Variants in NID2 observed in about 807,000 individuals in gnomAD.
NID2 encodes the protein nidogen 2, also known as nidogen-2.
Under a neutral mutation model 145.4 loss-of-function variants are expected in NID2, and 83 were observed. That is an observed-to-expected ratio of 0.57 (90% CI 0.48 to 0.69). The LOEUF (loss-of-function observed/expected upper bound fraction) is 0.69, where lower values mean the gene tolerates loss of function less well. Ranked by LOEUF, NID2 falls within the 30% of genes least tolerant of loss-of-function variation. NID2 has a pLI of 0.00. For missense variants in NID2, 1,807 were observed against 1,765.7 expected, an observed-to-expected ratio of 1.02 and a Z score of -0.42; for synonymous variants, 739 against 701.3, an observed-to-expected ratio of 1.05 and a Z score of -0.85.
Position 52,066,321 on chromosome 14 carries a change from C to CAAAAA in NID2, c.534+1532_534+1536dup, listed in dbSNP as rs34875276. Among the ~76,000 whole-genome samples the CAAAAA allele has an allele frequency of 9.0e-3, 1,201 of 133,800 alleles. 24 individuals are homozygous for CAAAAA. Among genetic ancestry groups the CAAAAA allele is most frequent in the African/African-American group, 0.031 (1,139 of 36,488 alleles). The allele number at this position is 133,800 out of a possible 152,430, so 87.8% of individuals were successfully genotyped here. On this transcript the variant is annotated intron_variant, in intron 2 of 21. Transcript: ENST00000216286. ...GAAGGTGGACACAGTTAACGGGTAC[C>CAAAAA]AAAAAAAAAAAAATAGAAGGAATGA... is the stretch of plus-strand genomic sequence containing the variant.
intron 8 of NID2, 107 bp downstream of exon 8, chr14:52,040,544 C>T (rs1340565311): frequency 5.4e-6 from 5 of 917,672 alleles, no homozygotes; most frequent in Non-Finnish European, 5.4e-6. Context: ...TTTTATGTTC[C>T]ATGCACTGTT....
At chr14:52,052,419 G>A (rs72680322) in intron 5 of NID2, among the ~76,000 whole-genome samples, 2,303 of 152,308 alleles carry the variant, frequency 0.015, 30 homozygotes, top group Non-Finnish European at 0.023. Context: ...CACATACGCT[G>A]TCTCATTGAA....
chr14:52,057,703 CAAAAAAAAAAA>C (rs5808649), intron 3 of NID2, among the ~76,000 whole-genome samples: 1 of 89,616 alleles, frequency 1.1e-5, no homozygotes, highest in African/African-American at 4.4e-5. Context: ...ACCTCCGTCT[CAAAAAAAAAAA>C]AAAAAAAAAA....
At chr14:52,038,430 G>C (rs909511138) in intron 9 of NID2, among the ~76,000 whole-genome samples, 4 of 152,170 alleles carry the variant, frequency 2.6e-5, no homozygotes, top group African/African-American at 9.7e-5. Context: ...ATACTTGTCA[G>C]CATCACTCTC....
chr14:52,027,046 T>TAACTC (rs1953602903), intron 12 of NID2, among the ~76,000 whole-genome samples, 155 bp downstream of exon 12: 1 of 152,246 alleles, frequency 6.6e-6, no homozygotes, highest in Admixed American at 6.5e-5. Context: ...CTCCCCTTTC[T>TAACTC]AACTCAAAGG....
At position 52,053,466 on chromosome 14, in the gene NID2, ATCT is replaced by A. The variant is rs1360382490; in HGVS notation, c.1429+110_1429+112del. On this transcript the variant is annotated intron_variant, in intron 5 of 21. Coordinates refer to ENST00000216286, the MANE Select transcript of NID2 (RefSeq NM_007361.4). ...ACACAGGGATTAAAAATTAGATCCA[ATCT>A]TCTTTTTGCTAAACTTTTCACCTAC... is the stretch of plus-strand genomic sequence containing the variant. 22 of 1,175,128 alleles carry A rather than the reference ATCT, an allele frequency of 1.9e-5. No homozygotes were observed. The African/African-American group carries it at 2.9e-4, about 16-fold the overall frequency. 72.8% of individuals were successfully genotyped at this position (1,175,128 alleles called of 1,614,324 possible).
At chr14:52,027,472 G>C (rs1170090834) in intron 11 of NID2, 128 bp from the exon 12 acceptor site, 1 of 701,770 alleles carries the variant, frequency 1.4e-6, no homozygotes, top group African/African-American at 1.9e-5. Context: ...CCCTACCCAA[G>C]GTCCAGTGAT....
chr14:52,047,060 A>G (rs1892526849), intron 5 of NID2, among the ~76,000 whole-genome samples: 1 of 152,242 alleles, frequency 6.6e-6, no homozygotes, highest in African/African-American at 2.4e-5. Flanking sequence ...CACTAATTCA[A>G]CAAGTATTTA....
rs767357376 is a variant in NID2 at position 52,067,980 on chromosome 14, G to T, written c.412C>A (p.Arg138Ser). The change falls in exon 2 of 22, where the codon CGC (arginine) becomes AGC (serine). Residue 138 changes from arginine (R) to serine (S), a missense_variant. Arg to Ser is a moderately radical substitution (Grantham distance 110). Transcript: ENST00000216286. ...TSPAVLGLAA[R>S]YVRAGFPRSA... ...CGCGGGAAGCCAGCGCGCACATAGC[G>T]GGCGGCCAGGCCCAGCACTGCGGGG... The T allele has an allele frequency of 6.2e-7, 1 of 1,611,152 alleles. No homozygotes were observed. The highest frequency in any genetic ancestry group is 1.7e-5 in the Admixed American group (1 of 59,310).
intron 2 of NID2, among the ~76,000 whole-genome samples, chr14:52,067,518 A>G (rs1893260831): frequency 6.6e-6 from 1 of 152,236 alleles, no homozygotes; most frequent in Admixed American, 6.5e-5. Flanking sequence ...CAATGAACAT[A>G]TAATTAGAAA....
rs773414486 is a variant in NID2 at position 52,038,768 on chromosome 14, T to C, written c.2236A>G (p.Asn746Asp). The C allele has an allele frequency of 1.3e-6, 2 of 1,579,868 alleles. No homozygotes were observed. Among genetic ancestry groups the C allele is most frequent in the Non-Finnish European group, 1.7e-6 (2 of 1,163,686 alleles). The change falls in exon 9 of 22, where the codon AAT becomes GAT. Residue 746 changes from asparagine to aspartate, a missense_variant. Coordinates refer to ENST00000216286, the MANE Select transcript of NID2 (RefSeq NM_007361.4). ...EERVLRFAVT[N>D]QIGPVKEDSD... ...TTACCTTTGACCGGGCCAATTTGAT[T>C]GGTCACAGCAAATCTAAGCACTCTT...
chr14:52,027,655 C>CAT (rs1188647693), intron 11 of NID2, among the ~76,000 whole-genome samples: 4 of 151,520 alleles, frequency 2.6e-5, no homozygotes, highest in Admixed American at 6.6e-5. Flanking sequence ...CACACACACA[C>CAT]ACACACACAC....
In NID2 at chr14:52,068,159, C is replaced by T; in HGVS notation, c.233G>A (p.Gly78Asp). 6.2e-7 allele frequency: 1 copy of T among 1,612,744 alleles called. No individual in the cohort carries two copies. Among genetic ancestry groups the T allele is most frequent in the Non-Finnish European group, 8.5e-7 (1 of 1,179,700 alleles). ...YEARFSNLYV[G>D]TNGIISTQDF... Reference sequence around the variant, plus strand: ...CTGAGTGGAGATGATGCCGTTGGTGCCCACCTGGGAGAGGAGAGGGACAAA... The same window carrying T: ...CTGAGTGGAGATGATGCCGTTGGTGTCCACCTGGGAGAGGAGAGGGACAAA... Residue 78 changes from glycine (G) to aspartate (D), a missense_variant, in exon 2 of 22, where the codon GGC becomes GAC. By Grantham distance (94) the Gly-to-Asp change is moderately conservative (BLOSUM62 -1). Coordinates refer to ENST00000216286, the MANE Select transcript of NID2 (RefSeq NM_007361.4).
At chr14:52,057,105 G>T (rs150929240) in intron 3 of NID2, among the ~76,000 whole-genome samples, 252 of 152,238 alleles carry the variant, frequency 1.7e-3, no homozygotes, top group African/African-American at 5.8e-3. Flanking sequence ...TGGTGTGATT[G>T]ATCATGGCTC....
rs369076689 is a variant in NID2 at position 52,067,976 on chromosome 14, T to C, written c.416A>G (p.Tyr139Cys). Residue 139 changes from tyrosine (Y) to cysteine (C), a missense_variant, in exon 2 of 22, where the codon TAT becomes TGT. By Grantham distance (194) the Tyr-to-Cys change is radical (BLOSUM62 -2). Coordinates refer to ENST00000216286, the MANE Select transcript of NID2 (RefSeq NM_007361.4). Reference sequence around the variant, plus strand: ...AGAGCGCGGGAAGCCAGCGCGCACATAGCGGGCGGCCAGGCCCAGCACTGC... The same window carrying C: ...AGAGCGCGGGAAGCCAGCGCGCACACAGCGGGCGGCCAGGCCCAGCACTGC... ...SPAVLGLAAR[Y>C]VRAGFPRSAR... is the part of the protein sequence containing the mutation. The C allele has an allele frequency of 1.5e-5, 24 of 1,610,936 alleles. No homozygotes were observed. Among genetic ancestry groups the C allele is most frequent in the Middle Eastern group, 1.7e-4 (1 of 6,036 alleles).
intron 5 of NID2, among the ~76,000 whole-genome samples, chr14:52,045,916 C>T (rs564367550): frequency 3.4e-4 from 51 of 152,190 alleles, no homozygotes; most frequent in Non-Finnish European, 6.6e-4. Context: ...TCAGCTTCCT[C>T]ATCTCTAAAA....
intron 13 of NID2, among the ~76,000 whole-genome samples, chr14:52,019,799 G>A (rs1458544043): frequency 6.6e-6 from 1 of 152,164 alleles, no homozygotes; most frequent in African/African-American, 2.4e-5. Context: ...TCAAGGTCAA[G>A]CAGATCACTA....
intron 5 of NID2, among the ~76,000 whole-genome samples, chr14:52,044,231 C>A (rs1049353955): frequency 6.6e-6 from 1 of 150,974 alleles, no homozygotes; most frequent in Non-Finnish European, 1.5e-5. Flanking sequence ...ACACTTCAAT[C>A]GCGCTTAACA....
intron 2 of NID2, among the ~76,000 whole-genome samples, chr14:52,065,482 T>TTTATTTA (rs1893164414): frequency 7.5e-6 from 1 of 132,982 alleles, no homozygotes; most frequent in South Asian, 2.5e-4. Flanking sequence ...CCCCTTTCTT[T>TTTATTTA]TTTATTTATT....
Sources: allele counts gnomAD v4.1 joint callset (sites outside exome capture counted in the v4.1 genomes callset), GRCh38; gene constraint gnomAD v4.1.1; transcripts MANE v1.5; gene names NCBI Gene and HGNC (gene_info 2026-07-23, HGNC 2026-07-21).